RTN1: variants seen among roughly 807,000 people sequenced by gnomAD.
The protein encoded by RTN1 is reticulon 1.
RTN1 carries 25 observed loss-of-function variants against 65.5 expected under a neutral mutation model. That is an observed-to-expected ratio of 0.38 (90% CI 0.28 to 0.53). The LOEUF is 0.53. RTN1 is among the 20% of genes least tolerant of loss of function. The probability of loss-of-function intolerance (pLI) is 0.79; values close to 1 mark genes in which losing one functional copy is unlikely to be tolerated. For synonymous variants in RTN1, 471 were observed against 447.6 expected, an observed-to-expected ratio of 1.05 and a Z score of -0.66; for missense variants, 983 against 1,025.4, an observed-to-expected ratio of 0.96 and a Z score of 0.57.
At chr14:59,801,195 G>A (rs1189838344) in intron 1 of RTN1, among the ~76,000 whole-genome samples, 1 of 152,116 alleles carries the variant, frequency 6.6e-6, no homozygotes, top group Non-Finnish European at 1.5e-5. Flanking sequence ...AATGATAACG[G>A]CTGAGAACTT....
At chr14:59,792,029 A>G (rs1247980707) in intron 1 of RTN1, among the ~76,000 whole-genome samples, 2 of 152,072 alleles carry the variant, frequency 1.3e-5, no homozygotes, top group Non-Finnish European at 2.9e-5. Context: ...AGTAGAGCAG[A>G]ATGTAAGAGA....
intron 3 of RTN1, among the ~76,000 whole-genome samples, chr14:59,642,628 AAATTTTACCTTTCAGTTCTAGT>A: frequency 6.6e-6 from 1 of 152,274 alleles, no homozygotes; most frequent in Admixed American, 6.5e-5. Context: ...ATAATTTCAG[AAATTTTACCTTTCAGTTCTAGT>A]AATTTTACTT....
Position 59,825,346 on chromosome 14 carries a change from C to T in RTN1, c.241+45044G>A, listed in dbSNP as rs922418071. The stretch of plus-strand genomic sequence containing the variant: ...GTCTATGGCCTTTGTTTACCAGCCC[C>T]AATATGGTTTAGGCAACAACTGTTC... On this transcript the variant is annotated intron_variant, in intron 1 of 8. Coordinates refer to ENST00000267484, the MANE Select transcript of RTN1 (RefSeq NM_021136.3). The surrounding 1 kb of genome is among the most constrained non-coding windows in gnomAD (Gnocchi z 4.2). Among the ~76,000 whole-genome samples the T allele has an allele frequency of 7.2e-5, 11 of 152,242 alleles. No individual in the cohort carries two copies. Among genetic ancestry groups the T allele is most frequent in the Non-Finnish European group, 1.3e-4 (9 of 68,038 alleles).
Position 59,727,975 on chromosome 14 carries a change from T to C in RTN1, c.1016-307A>G, listed in dbSNP as rs1170819041. On this transcript the variant is annotated intron_variant, in intron 2 of 8. Transcript: ENST00000267484. This position sits in a 1 kb window ranked among gnomAD's most constrained non-coding sequence, Gnocchi z 4.2. ...CTTAGCAACAGAATCTCAGTTGGTGTTCCTGTTTCAATGCAGAGAAGATTC... is the reference window on the plus strand; with the variant it reads ...CTTAGCAACAGAATCTCAGTTGGTGCTCCTGTTTCAATGCAGAGAAGATTC... Among the ~76,000 whole-genome samples, 2 of 152,194 alleles carry C rather than the reference T, an allele frequency of 1.3e-5. No individual in the cohort carries two copies. The highest frequency in any genetic ancestry group is 1.3e-4 in the Admixed American group (2 of 15,288).
intron 1 of RTN1, among the ~76,000 whole-genome samples, chr14:59,826,366 C>G (rs951881104): frequency 6.6e-6 from 1 of 152,192 alleles, no homozygotes; most frequent in African/African-American, 2.4e-5. Flanking sequence ...ATATAAAACA[C>G]TCAGCAGAAT....
chr14:59,630,465 CCA>C, intron 3 of RTN1: 1 of 1,613,880 alleles, frequency 6.2e-7, no homozygotes, highest in Non-Finnish European at 8.5e-7. Flanking sequence ...TCCAGTTGCT[CCA>C]CACACAGTCC....
intron 1 of RTN1, among the ~76,000 whole-genome samples, chr14:59,773,985 T>C (rs1239937865): frequency 6.6e-6 from 1 of 152,210 alleles, no homozygotes; most frequent in African/African-American, 2.4e-5. Context: ...CTCTCTTTCA[T>C]GTGATTAGAG....
chr14:59,700,389 T>A (rs1224183698), intron 3 of RTN1, among the ~76,000 whole-genome samples: 2 of 152,112 alleles, frequency 1.3e-5, no homozygotes, highest in African/African-American at 4.8e-5. Context: ...AAAATTCATA[T>A]GGAAATAAAA....
At chr14:59,708,358 C>T (rs1456619397) in intron 3 of RTN1, among the ~76,000 whole-genome samples, 1 of 152,218 alleles carries the variant, frequency 6.6e-6, no homozygotes, top group African/African-American at 2.4e-5. Context: ...TTCTCCTTTC[C>T]AAATACCTTT....
intron 1 of RTN1, among the ~76,000 whole-genome samples, chr14:59,772,506 A>C (rs139679694): frequency 2.2e-4 from 34 of 152,156 alleles, no homozygotes; most frequent in African/African-American, 7.0e-4. Flanking sequence ...GTTACGTGAC[A>C]GCCCAATTCC....
At chr14:59,665,973 C>T (rs1053985554) in intron 3 of RTN1, among the ~76,000 whole-genome samples, 11 of 152,198 alleles carry the variant, frequency 7.2e-5, no homozygotes, top group African/African-American at 2.4e-4. Flanking sequence ...GAGACTTAGA[C>T]GCCCACGCAA....
Position 59,745,894 on chromosome 14 carries a change from T to C in RTN1, c.829A>G (p.Ile277Val). Residue 277 changes from isoleucine to valine, a missense_variant, in exon 2 of 9, where the codon ATC becomes GTC. This residue lies in a region of RTN1 where 818 missense variants were observed against 801.8 expected (regional missense o/e 1.02). Coordinates refer to ENST00000267484, the MANE Select transcript of RTN1 (RefSeq NM_021136.3). ...AGTGTGATTTTGACAGGGGTGGTGA[T>C]CTGAGGAGCCCTGCGCTGTTCTTCA... ...LSEEQRRAPQ[I>V]TTPVKITLTE... The C allele has an allele frequency of 6.2e-7, 1 of 1,614,140 alleles. No individual in the cohort carries two copies. Among genetic ancestry groups the C allele is most frequent in the African/African-American group, 1.3e-5 (1 of 75,026 alleles).
intron 2 of RTN1, among the ~76,000 whole-genome samples, chr14:59,739,799 C>T (rs773444400): frequency 1.3e-4 from 20 of 152,120 alleles, no homozygotes; most frequent in Non-Finnish European, 2.4e-4. Flanking sequence ...GAACAATGAG[C>T]TTGTTTGATG....
rs1885216939 is a variant in RTN1 at position 59,746,103 on chromosome 14, T to G, written c.620A>C (p.His207Pro). ...CAGCTCGGGGTGATGTTGTTCTTGG[T>G]GCTTCACCTCCTCGGGTCTGGTTAT... ...IDITRPEEVK[H>P]QEQHHPELED... is the part of the protein sequence containing the mutation. The change falls in exon 2 of 9, where the codon CAC becomes CCC. Residue 207 changes from histidine (H) to proline (P), a missense_variant. His to Pro is a moderately conservative substitution (Grantham distance 77). This residue lies in a region of RTN1 where 818 missense variants were observed against 801.8 expected (regional missense o/e 1.02). Transcript: ENST00000267484. 8 of 1,613,590 alleles carry G rather than the reference T, an allele frequency of 5.0e-6. No individual in the cohort carries two copies. Among genetic ancestry groups the G allele is most frequent in the Non-Finnish European group, 6.8e-6 (8 of 1,179,878 alleles).
At chr14:59,815,383 T>C (rs1886801334) in intron 1 of RTN1, among the ~76,000 whole-genome samples, 1 of 152,136 alleles carries the variant, frequency 6.6e-6, no homozygotes, top group Admixed American at 6.6e-5. Context: ...TCCTTGGAGC[T>C]ATCACTTCAC....
chr14:59,860,713 C>T (rs1566751132), intron 1 of RTN1, among the ~76,000 whole-genome samples: 1 of 152,162 alleles, frequency 6.6e-6, no homozygotes, highest in African/African-American at 2.4e-5. Context: ...ACCATGGGAA[C>T]CCACCTCCTG....
intron 1 of RTN1, among the ~76,000 whole-genome samples, chr14:59,747,477 C>T (rs759902764): frequency 1.3e-5 from 2 of 152,230 alleles, no homozygotes; most frequent in South Asian, 2.1e-4. Context: ...GGCGTGTTGG[C>T]GCATGCCTGT....
Position 59,726,905 on chromosome 14 carries a change from T to C in RTN1, c.1765+14A>G, listed in dbSNP as rs757073427. On this transcript the variant is annotated intron_variant, in intron 3 of 8. Transcript: ENST00000267484. ...GAGGACACTAACCAAGCATCCCTGCTTGGGATCCTTTACCTTTTTGCTTAT... is the reference window on the plus strand; with the variant it reads ...GAGGACACTAACCAAGCATCCCTGCCTGGGATCCTTTACCTTTTTGCTTAT... 5.0e-6 allele frequency: 8 copies of C among 1,604,344 alleles called. No homozygotes were observed. Among genetic ancestry groups the C allele is most frequent in the Non-Finnish European group, 6.0e-6 (7 of 1,174,778 alleles).
intron 2 of RTN1, among the ~76,000 whole-genome samples, chr14:59,740,647 G>A (rs1885098090): frequency 6.6e-6 from 1 of 152,166 alleles, no homozygotes; most frequent in Non-Finnish European, 1.5e-5. Flanking sequence ...TTGAGCAAGT[G>A]AAGGTGCTAC....
Sources: gnomAD v4.1 joint callset for allele counts (sites outside exome capture counted in the v4.1 genomes callset) on GRCh38, gnomAD v4.1.1 for gene constraint, gnomAD v4.1.1 regional missense constraint, Gnocchi (gnomAD v3.1) non-coding constraint, MANE v1.5 for transcripts, NCBI Gene and HGNC (gene_info 2026-07-23, HGNC 2026-07-21) for gene names.